The following USH2A variants were observed in gnomAD, a reference collection of about 807,000 sequenced individuals.
The protein encoded by USH2A is Usher syndrome 2A (autosomal recessive, mild).
USH2A carries 443 observed loss-of-function variants against 538.9 expected under a neutral mutation model. The observed-to-expected ratio is 0.82, with a 90% CI of 0.76 to 0.89. USH2A has a LOEUF of 0.89. Among genes scored for constraint, USH2A ranks in the 40% least tolerant of loss-of-function variants. The pLI, the probability that USH2A is intolerant of heterozygous loss-of-function variation, is 0.00. For synonymous variants in USH2A, 2,413 were observed against 2,273.5 expected (o/e 1.06, Z -1.75); for missense variants, 6,633 against 6,324.8 (o/e 1.05, Z -1.65).
chr1:216,344,766 C>T (rs1377905417), intron 4 of USH2A, among the ~76,000 whole-genome samples: 2 of 151,712 alleles, frequency 1.3e-5, no homozygotes, highest in African/African-American at 4.8e-5. Flanking sequence ...GACAAGGACA[C>T]TTGACAGAAC....
chr1:216,086,798 AC>A lies in USH2A; in HGVS notation c.4907del (p.Gly1636ValfsTer29). 1 of 1,612,824 alleles carries A rather than the reference AC, an allele frequency of 6.2e-7. No individual in the cohort carries two copies. The highest frequency in any genetic ancestry group is 8.5e-7 in the Non-Finnish European group (1 of 1,179,174). ...IYTGSSAILN[G>X]STVIGDNTGV... The stretch of plus-strand genomic sequence containing the variant: ...CTGTGTTATCTCCAATAACAGTACT[AC>A]CATTCAGGATGGCAGAGGAACCTAG... On this transcript the variant is annotated frameshift_variant, in exon 24 of 72. Coordinates refer to ENST00000307340, the MANE Select transcript of USH2A (RefSeq NM_206933.4). LOFTEE classifies it high-confidence loss of function.
At chr1:216,244,134 G>A (rs1042329635) in intron 13 of USH2A, among the ~76,000 whole-genome samples, 3 of 152,158 alleles carry the variant, frequency 2.0e-5, no homozygotes, top group East Asian at 1.9e-4. Flanking sequence ...AGTAAAACTA[G>A]TCAGAGGATG....
chr1:216,190,156 G>A, intron 20 of USH2A, 67 bp downstream of exon 20: 1 of 1,596,276 alleles, frequency 6.3e-7, no homozygotes, highest in African/African-American at 1.3e-5. Context: ...TAGAGAAGGT[G>A]TTGAATATTA....
At position 216,325,597 on chromosome 1, in the gene USH2A, T is replaced by C. The variant is rs762869685; in HGVS notation, c.851A>G (p.Glu284Gly). 1.9e-6 allele frequency: 3 copies of C among 1,612,804 alleles called. No individual in the cohort carries two copies. In the African/African-American group the frequency reaches 4.0e-5, roughly 22 times the overall value. The change falls in exon 6 of 72, where the codon GAG becomes GGG. Residue 284 changes from glutamate (E) to glycine (G), a missense_variant and splice_region_variant. Coordinates refer to ENST00000307340, the MANE Select transcript of USH2A (RefSeq NM_206933.4). Reference protein sequence around the residue: ...RLYQVALTNREILEVFSGDLL... With the variant: ...RLYQVALTNRGILEVFSGDLL... ...ATCTCCAGAGAAGACTTCCAGAATC[T>C]CTCTGTGGGAGTCAAGAGGGAGACT...
At chr1:215,841,221 G>A (rs537844022) in intron 46 of USH2A, among the ~76,000 whole-genome samples, 135 of 152,212 alleles carry the variant, frequency 8.9e-4, no homozygotes, top group Middle Eastern at 3.4e-3. Flanking sequence ...AACCAAAAAA[G>A]AGCCTGTATA....
chr1:216,076,136 AG>A (rs2031740515), intron 27 of USH2A, among the ~76,000 whole-genome samples: 1 of 152,190 alleles, frequency 6.6e-6, no homozygotes, highest in Non-Finnish European at 1.5e-5. Flanking sequence ...CTTAGGGGAC[AG>A]GGGTCCCTAA....
At chr1:216,414,021 C>A (rs973524573) in intron 3 of USH2A, among the ~76,000 whole-genome samples, 2 of 152,068 alleles carry the variant, frequency 1.3e-5, no homozygotes, top group South Asian at 4.2e-4. Flanking sequence ...CAATCCATAA[C>A]GAAATGCTAA....
intron 3 of USH2A, among the ~76,000 whole-genome samples, chr1:216,405,706 T>C (rs1453575901): frequency 6.6e-6 from 1 of 152,184 alleles, no homozygotes; most frequent in Non-Finnish European, 1.5e-5. Context: ...GAAACGAATA[T>C]GTATGTTAAC....
intron 47 of USH2A, among the ~76,000 whole-genome samples, chr1:215,824,623 T>C (rs1663104304): frequency 6.6e-6 from 1 of 152,126 alleles, no homozygotes; most frequent in Non-Finnish European, 1.5e-5. Context: ...CAGAGCAGAA[T>C]TTCCAGGGCT....
At chr1:215,908,846 C>G (rs1238883899) in intron 38 of USH2A, among the ~76,000 whole-genome samples, 2 of 151,542 alleles carry the variant, frequency 1.3e-5, no homozygotes, top group Non-Finnish European at 2.9e-5. Context: ...GATGAATGCT[C>G]TACTATTTCA....
intron 10 of USH2A, among the ~76,000 whole-genome samples, chr1:216,289,861 C>A (rs2036967032): frequency 6.6e-6 from 1 of 152,038 alleles, no homozygotes; most frequent in African/African-American, 2.4e-5. Context: ...TGGGAGACTT[C>A]TCTTAATATA....
At chr1:215,788,999 A>T (rs1558098632) in intron 51 of USH2A, among the ~76,000 whole-genome samples, 1 of 152,156 alleles carries the variant, frequency 6.6e-6, no homozygotes, top group East Asian at 1.9e-4. Context: ...TCCTGAATTG[A>T]TAGCTTAGGG....
chr1:215,749,802 G>A (rs1660572830), intron 58 of USH2A, among the ~76,000 whole-genome samples: 1 of 152,080 alleles, frequency 6.6e-6, no homozygotes, highest in Admixed American at 6.5e-5. Context: ...ATGACAAGCT[G>A]CCATAACACA....
intron 47 of USH2A, 150 bp downstream of exon 47, chr1:215,837,841 T>C: frequency 1.4e-6 from 1 of 702,170 alleles, no homozygotes; most frequent in East Asian, 2.7e-5. Flanking sequence ...AAGATTAATA[T>C]CTGTGAAATA....
chr1:215,984,251 CT>C (rs35525569), intron 35 of USH2A, among the ~76,000 whole-genome samples: 1 of 152,184 alleles, frequency 6.6e-6, no homozygotes, highest in Non-Finnish European at 1.5e-5. Context: ...TTTTTTCAGG[CT>C]TTTTCTTGCT....
intron 61 of USH2A, among the ~76,000 whole-genome samples, chr1:215,700,649 C>T (rs1016228238): frequency 6.6e-6 from 1 of 152,036 alleles, no homozygotes; most frequent in East Asian, 1.9e-4. Context: ...GGATCAGTAG[C>T]GATATTCCCT....
In USH2A at chr1:215,844,286, G is replaced by A. The variant is rs1440810218; in HGVS notation, c.9258+8C>T. On this transcript the variant is annotated splice_region_variant and intron_variant, in intron 46 of 71. Transcript: ENST00000307340. Reference sequence around the variant, plus strand: ...ATAAGCCTAACCATCAAAAAACAATGTTCTAACCTGAATGTCATAGATAGT... The same window carrying A: ...ATAAGCCTAACCATCAAAAAACAATATTCTAACCTGAATGTCATAGATAGT... 3 of 1,612,896 alleles carry A rather than the reference G, an allele frequency of 1.9e-6. No individual in the cohort carries two copies. Among genetic ancestry groups the A allele is most frequent in the Admixed American group, 1.7e-5 (1 of 59,864 alleles).
At chr1:216,072,585 T>A in intron 29 of USH2A, 1 of 414,806 alleles carries the variant, frequency 2.4e-6, no homozygotes, top group East Asian at 5.6e-5. Context: ...AGGTTACCTA[T>A]CCTTAGACAT....
intron 44 of USH2A, among the ~76,000 whole-genome samples, chr1:215,852,604 G>A (rs1281857743): frequency 1.3e-5 from 2 of 152,168 alleles, no homozygotes; most frequent in East Asian, 3.9e-4. Context: ...GACAAGGCAA[G>A]TCCCTGCTGC....
Sources: allele counts gnomAD v4.1 joint callset (sites outside exome capture counted in the v4.1 genomes callset), GRCh38; gene constraint gnomAD v4.1.1; transcripts MANE v1.5; gene names NCBI Gene and HGNC (gene_info 2026-07-23, HGNC 2026-07-21).